The following MAGI1 variants were observed in gnomAD, a reference collection of about 807,000 sequenced individuals.
MAGI1 encodes membrane-associated guanylate kinase, WW and PDZ domain-containing protein 1.
In MAGI1, 58 loss-of-function variants were observed where a neutral mutation model predicts 139.9. The ratio of observed to expected loss-of-function variants is 0.41; its 90% CI spans 0.34 to 0.52. MAGI1 has a LOEUF of 0.52. Among genes scored for constraint, MAGI1 ranks in the 20% least tolerant of loss-of-function variants. The pLI is 0.12. For missense variants in MAGI1, 1,874 were observed against 1,901.6 expected (o/e 0.99, Z 0.27); for synonymous variants, 812 against 737.9 (o/e 1.10, Z -1.63).
chr3:65,680,937 T>C (rs1298405233), intron 1 of MAGI1, among the ~76,000 whole-genome samples: 4 of 152,216 alleles, frequency 2.6e-5, no homozygotes, highest in African/African-American at 9.7e-5. Flanking sequence ...TTCAGTATTT[T>C]AGTTTCGGAG....
At chr3:65,903,260 G>T (rs542797201) in intron 1 of MAGI1, among the ~76,000 whole-genome samples, 1 of 152,100 alleles carries the variant, frequency 6.6e-6, no homozygotes, top group Non-Finnish European at 1.5e-5. Context: ...TCCCAAAGTG[G>T]TGGGATTACA....
intron 14 of MAGI1, chr3:65,387,077 G>T: frequency 7.1e-7 from 1 of 1,411,208 alleles, no homozygotes; most frequent in South Asian, 1.2e-5. Flanking sequence ...CAGGCCCCCA[G>T]ACCAATGAGA....
intron 2 of MAGI1, among the ~76,000 whole-genome samples, chr3:65,533,240 G>A (rs191599919): frequency 3.9e-4 from 60 of 152,152 alleles, no homozygotes; most frequent in Middle Eastern, 3.4e-3. Flanking sequence ...CAACATTTAC[G>A]GAGCACTTAT....
At chr3:65,506,639 T>C (rs771116098) in intron 2 of MAGI1, among the ~76,000 whole-genome samples, 87 of 152,318 alleles carry the variant, frequency 5.7e-4, no homozygotes, top group Non-Finnish European at 9.6e-4. Context: ...ATTCTAGTCA[T>C]TAGCCACTAG....
chr3:65,691,246 T>C (rs1371349653), intron 1 of MAGI1, among the ~76,000 whole-genome samples: 1 of 143,760 alleles, frequency 7.0e-6, no homozygotes, highest in East Asian at 2.1e-4. Flanking sequence ...GAGGTTGCAG[T>C]GAGCCGAGAT....
intron 1 of MAGI1, among the ~76,000 whole-genome samples, chr3:65,710,822 G>C (rs997053804): frequency 2.0e-5 from 3 of 152,132 alleles, no homozygotes; most frequent in African/African-American, 7.2e-5. Context: ...TGCCCTTCTT[G>C]ACTAAGGAGT....
rs374135847 is a variant in MAGI1, at chr3:65,880,945, G to A, written c.313+157051C>T. On this transcript the variant is annotated intron_variant, in intron 1 of 22. Coordinates refer to ENST00000402939, the MANE Select transcript of MAGI1 (RefSeq NM_001033057.2). ...TGTGTGTGTGTGTGTATGTAACAGG[G>A]TCTCCCTCTGTCACCCAGGCTGGAG... 3.3e-5 allele frequency among the ~76,000 whole-genome samples: 5 copies of A among 150,118 alleles called. No homozygotes were observed. The East Asian group carries it at 5.8e-4, about 17-fold the overall frequency.
At chr3:65,762,975 A>C (rs1260934560) in intron 1 of MAGI1, among the ~76,000 whole-genome samples, 1 of 152,180 alleles carries the variant, frequency 6.6e-6, no homozygotes, top group African/African-American at 2.4e-5. Context: ...AATGGAAACA[A>C]CACCTGTTTC....
intron 10 of MAGI1, among the ~76,000 whole-genome samples, chr3:65,433,213 T>C (rs73129695): frequency 0.17 from 25,975 of 152,184 alleles, 2,966 homozygotes; most frequent in Non-Finnish European, 0.26. Context: ...ACAGAAATGA[T>C]ATTTATCATG....
At chr3:65,587,264 T>C (rs1303663253) in intron 2 of MAGI1, among the ~76,000 whole-genome samples, 1 of 152,142 alleles carries the variant, frequency 6.6e-6, no homozygotes, top group African/African-American at 2.4e-5. Flanking sequence ...GGCTGGCCTA[T>C]CTTAAACGTG....
At chr3:65,486,329 T>A (rs1266441245) in intron 3 of MAGI1, among the ~76,000 whole-genome samples, 3 of 152,316 alleles carry the variant, frequency 2.0e-5, no homozygotes, top group Non-Finnish European at 4.4e-5. Context: ...AAGTGTATAA[T>A]CAGCCTCTTC....
At chr3:65,811,337 G>A (rs1327991923) in intron 1 of MAGI1, among the ~76,000 whole-genome samples, 1 of 152,190 alleles carries the variant, frequency 6.6e-6, no homozygotes, top group Non-Finnish European at 1.5e-5. Flanking sequence ...CTAAATGTTG[G>A]GTTGCTTTTT....
Position 65,811,927 on chromosome 3 carries a change from C to CGT in MAGI1, c.314-189841_314-189840dup, listed in dbSNP as rs71102883. ...AATTTTTAAATCTTTTGTATGTTTACGTGTGTGTGTGTGTGTGTGTGTGTG... is the reference window on the plus strand; with the variant it reads ...AATTTTTAAATCTTTTGTATGTTTACGTGTGTGTGTGTGTGTGTGTGTGTGTG... On this transcript the variant is annotated intron_variant, in intron 1 of 22. Coordinates refer to ENST00000402939, the MANE Select transcript of MAGI1 (RefSeq NM_001033057.2). Among the ~76,000 whole-genome samples the CGT allele has an allele frequency of 2.2e-3, 331 of 148,438 alleles. 2 individuals are homozygous for CGT. The highest frequency in any genetic ancestry group is 0.011 in the South Asian group (52 of 4,618).
intron 1 of MAGI1, among the ~76,000 whole-genome samples, chr3:65,741,391 G>A (rs1257167213): frequency 6.6e-6 from 1 of 152,106 alleles, no homozygotes; most frequent in Non-Finnish European, 1.5e-5. Context: ...AGCCAGGATG[G>A]ACTCAGTCTC....
chr3:65,479,032 T>C (rs1415549537), intron 3 of MAGI1, among the ~76,000 whole-genome samples: 2 of 152,204 alleles, frequency 1.3e-5, no homozygotes, highest in South Asian at 4.1e-4. Flanking sequence ...AACAACCTAC[T>C]AGGGCTAAAA....
chr3:65,497,771 C>A (rs533735647), intron 2 of MAGI1, among the ~76,000 whole-genome samples: 3 of 151,982 alleles, frequency 2.0e-5, no homozygotes, highest in Non-Finnish European at 4.4e-5. Flanking sequence ...TGAGAGGATT[C>A]AAAATAATCA....
intron 2 of MAGI1, among the ~76,000 whole-genome samples, chr3:65,587,479 C>CT (rs755825684): frequency 0.046 from 5,002 of 109,496 alleles, 389 homozygotes; most frequent in African/African-American, 0.13. Context: ...TTACTTTTTT[C>CT]TTTTTTTTTT....
chr3:65,802,742 C>G (rs1360887379), intron 1 of MAGI1, among the ~76,000 whole-genome samples: 3 of 152,174 alleles, frequency 2.0e-5, no homozygotes, highest in African/African-American at 4.8e-5. Flanking sequence ...GAATGGATGA[C>G]TGAAGAATGC....
intron 1 of MAGI1, among the ~76,000 whole-genome samples, chr3:65,734,551 GAGAA>G (rs946559625): frequency 4.2e-5 from 6 of 144,382 alleles, no homozygotes; most frequent in South Asian, 2.1e-4. Context: ...GAGAGAAAGA[GAGAA>G]AGAAAGAGAG....
Sources: gnomAD v4.1 joint callset for allele counts (sites outside exome capture counted in the v4.1 genomes callset) on GRCh38, gnomAD v4.1.1 for gene constraint, MANE v1.5 for transcripts, NCBI Gene and HGNC (gene_info 2026-07-23, HGNC 2026-07-21) for gene names.